Variants in HDAC9 observed in about 807,000 individuals in gnomAD.
The protein encoded by HDAC9 is histone deacetylase 9, also known as MEF-2 interacting transcription repressor (MITR) protein.
Under a neutral mutation model 139.4 loss-of-function variants are expected in HDAC9, and 41 were observed. The ratio of observed to expected loss-of-function variants is 0.29; its 90% CI spans 0.23 to 0.38. HDAC9 has a LOEUF of 0.38. Ranked by LOEUF, HDAC9 falls within the 10% of genes least tolerant of loss-of-function variation. HDAC9 has a pLI of 1.00. For missense variants in HDAC9, 1,147 were observed against 1,297.0 expected (o/e 0.88, Z 1.78); for synonymous variants, 517 against 476.2 (o/e 1.09, Z -1.12).
At chr7:18,345,587 AAC>A (rs1281857417) in intron 1 of HDAC9, among the ~76,000 whole-genome samples, 3 of 151,112 alleles carry the variant, frequency 2.0e-5, no homozygotes, top group Non-Finnish European at 4.4e-5. Flanking sequence ...AAAAAAAAAA[AAC>A]TACAAAATTT....
chr7:18,461,073 A>C (rs2128109867), intron 1 of HDAC9, among the ~76,000 whole-genome samples: 1 of 152,292 alleles, frequency 6.6e-6, no homozygotes, highest in African/African-American at 2.4e-5. Flanking sequence ...TAACAAAGTT[A>C]GGCAAAAGAA....
At chr7:18,828,610 A>G (rs1157931300) in intron 17 of HDAC9, among the ~76,000 whole-genome samples, 1 of 152,174 alleles carries the variant, frequency 6.6e-6, no homozygotes, top group Non-Finnish European at 1.5e-5. Flanking sequence ...TGGAAGAAAT[A>G]TGGGCTTTCC....
chr7:18,778,511 C>T (rs772917915), intron 16 of HDAC9, among the ~76,000 whole-genome samples: 5 of 151,978 alleles, frequency 3.3e-5, no homozygotes, highest in Non-Finnish European at 7.4e-5. Flanking sequence ...TTTTGAAGCA[C>T]CCTTTACACA....
At chr7:18,849,428 A>G (rs1797124663) in intron 21 of HDAC9, among the ~76,000 whole-genome samples, 1 of 152,178 alleles carries the variant, frequency 6.6e-6, no homozygotes, top group Non-Finnish European at 1.5e-5. Context: ...AGTTACTGCC[A>G]TTCAAAATTA....
intron 12 of HDAC9, among the ~76,000 whole-genome samples, chr7:18,685,929 G>C (rs1417303799): frequency 1.3e-5 from 2 of 151,942 alleles, no homozygotes; most frequent in African/African-American, 4.8e-5. Flanking sequence ...ACAATGAAAG[G>C]TAGTAGGGAT....
At chr7:18,904,676 C>T (rs577695802) in intron 22 of HDAC9, among the ~76,000 whole-genome samples, 160 of 150,142 alleles carry the variant, frequency 1.1e-3, no homozygotes, top group African/African-American at 3.7e-3. Context: ...CCCGGGTTCA[C>T]GCCATTCTCC....
chr7:18,388,520 C>A (rs973182285), intron 1 of HDAC9, among the ~76,000 whole-genome samples: 4 of 152,214 alleles, frequency 2.6e-5, no homozygotes, highest in Admixed American at 1.3e-4. Flanking sequence ...AAACCATAGA[C>A]TTGTAGTTTC....
intron 2 of HDAC9, among the ~76,000 whole-genome samples, chr7:18,209,992 G>A (rs1057384654): frequency 6.6e-6 from 1 of 150,424 alleles, no homozygotes; most frequent in Non-Finnish European, 1.5e-5. Flanking sequence ...GAGCCACCGC[G>A]CCCGGCCAAG....
At chr7:18,767,304 C>G (rs954111469) in intron 16 of HDAC9, 149 bp downstream of exon 16, 6 of 478,582 alleles carry the variant, frequency 1.3e-5, no homozygotes, top group South Asian at 4.4e-5. Context: ...AGCTAAGTGC[C>G]AAGTAAAAAC....
intron 3 of HDAC9, 36 bp downstream of exon 3, chr7:18,585,558 G>T: frequency 1.9e-6 from 3 of 1,606,254 alleles, no homozygotes; most frequent in Non-Finnish European, 2.5e-6. Flanking sequence ...CCTTACTCAG[G>T]AGTCTGCACC....
rs193086500 is a variant in HDAC9, at chr7:18,440,084, G to A, written c.-41-56178G>A. ...TCACTTCATCATGGAGACTGTAAGA[G>A]AAATTCCTGTATGGTATAAATATAA... On this transcript the variant is annotated intron_variant, in intron 1 of 3. Coordinates refer to the HDAC9 transcript ENST00000413509. 2.6e-5 allele frequency among the ~76,000 whole-genome samples: 4 copies of A among 152,072 alleles called. No homozygotes were observed. In the South Asian group the frequency reaches 8.3e-4, roughly 32 times the overall value.
chr7:18,672,995 G>A lies in HDAC9; in HGVS notation c.1731+6519G>A, dbSNP rs536636180. Among the ~76,000 whole-genome samples the A allele has an allele frequency of 1.8e-3, 267 of 152,056 alleles. 1 individual carries two copies. Among genetic ancestry groups the A allele is most frequent in the Middle Eastern group, 6.8e-3 (2 of 294 alleles). ...TTTCTTCCCAAAATATCACTGAAATGTTACAATCTTGATGTTTATTATTCC... is the reference window on the plus strand; with the variant it reads ...TTTCTTCCCAAAATATCACTGAAATATTACAATCTTGATGTTTATTATTCC... On this transcript the variant is annotated intron_variant, in intron 12 of 25. Coordinates refer to ENST00000686413, the MANE Select transcript of HDAC9 (RefSeq NM_178425.4).
chr7:18,922,110 G>A (rs1004933187), intron 22 of HDAC9, among the ~76,000 whole-genome samples: 1 of 151,312 alleles, frequency 6.6e-6, no homozygotes, highest in Admixed American at 6.6e-5. Flanking sequence ...GATAGCATTA[G>A]GAGATATACC....
At chr7:18,592,385 T>C (rs1373872120) in intron 5 of HDAC9, among the ~76,000 whole-genome samples, 2 of 152,242 alleles carry the variant, frequency 1.3e-5, no homozygotes, top group African/African-American at 4.8e-5. Flanking sequence ...CAATAAAATA[T>C]AGAGGATGTG....
chr7:18,770,439 C>T (rs73069082), intron 16 of HDAC9, among the ~76,000 whole-genome samples: 2,117 of 152,218 alleles, frequency 0.014, 18 homozygotes, highest in Non-Finnish European at 0.02. Context: ...GGGTATATCA[C>T]TAAAAATAGT....
At chr7:18,944,227 C>G (rs984285470) in intron 23 of HDAC9, among the ~76,000 whole-genome samples, 1 of 152,126 alleles carries the variant, frequency 6.6e-6, no homozygotes, top group Non-Finnish European at 1.5e-5. Flanking sequence ...CAATCTGCTT[C>G]CCTTGTCCTC....
chr7:18,988,626 T>A (rs928352271), intron 25 of HDAC9, among the ~76,000 whole-genome samples: 2 of 152,186 alleles, frequency 1.3e-5, no homozygotes, highest in African/African-American at 4.8e-5. Context: ...CTTGTTTACT[T>A]TCTGTCTCAT....
chr7:18,933,738 G>C (rs1247533176), intron 22 of HDAC9, among the ~76,000 whole-genome samples: 1 of 151,910 alleles, frequency 6.6e-6, no homozygotes, highest in Non-Finnish European at 1.5e-5. Flanking sequence ...GTCAGTTACA[G>C]AATATAAAAT....
At chr7:18,771,544 T>C (rs1013579920) in intron 16 of HDAC9, among the ~76,000 whole-genome samples, 2 of 140,756 alleles carry the variant, frequency 1.4e-5, no homozygotes, top group Non-Finnish European at 3.0e-5. Context: ...GATATGTGTG[T>C]GTGTGTGTGT....
Sources: gnomAD v4.1 joint callset for allele counts (sites outside exome capture counted in the v4.1 genomes callset) on GRCh38, gnomAD v4.1.1 for gene constraint, MANE v1.5 for transcripts, NCBI Gene and HGNC (gene_info 2026-07-23, HGNC 2026-07-21) for gene names.